CHST1: variants seen among roughly 807,000 people sequenced by gnomAD.
CHST1 encodes the protein carbohydrate sulfotransferase 1.
Under a neutral mutation model 22.5 loss-of-function variants are expected in CHST1, and 10 were observed. That is an observed-to-expected ratio of 0.44 (90% CI 0.27 to 0.75). The LOEUF is 0.75. CHST1 is among the 30% of genes least tolerant of loss of function. The pLI is 0.15. For missense variants in CHST1, 439 were observed against 576.1 expected (o/e 0.76, Z 2.44); for synonymous variants, 267 against 264.5 (o/e 1.01, Z -0.09).
chr11:45,659,418 A>G (rs111483947), intron 1 of CHST1, among the ~76,000 whole-genome samples: 2 of 152,104 alleles, frequency 1.3e-5, no homozygotes, highest in African/African-American at 4.8e-5. Context: ...GATCTCGATC[A>G]CAGCATTCAC....
chr11:45,650,092 C>T lies in CHST1; in HGVS notation c.832G>A (p.Asp278Asn). 1 of 1,614,080 alleles carries T rather than the reference C, an allele frequency of 6.2e-7. No homozygotes were observed. The highest frequency in any genetic ancestry group is 8.5e-7 in the Non-Finnish European group (1 of 1,180,034). The change falls in exon 4 of 4, where the codon GAC becomes AAC. Residue 278 changes from aspartate (D) to asparagine (N), a missense_variant. Transcript: ENST00000308064. ...CCGGTGGACACGGAGTTGGAGAAGTCCTCGCACACCGTGGTCAGCTGCGTC... is the reference window on the plus strand; with the variant it reads ...CCGGTGGACACGGAGTTGGAGAAGTTCTCGCACACCGTGGTCAGCTGCGTC... The part of the protein sequence containing the change: ...DVTQLTTVCE[D>N]FSNSVSTGLM...
In CHST1 at chr11:45,650,673, A is replaced by G; in HGVS notation, c.251T>C (p.Leu84Pro). The stretch of plus-strand genomic sequence containing the variant: ...GGGCTCAAACAGGTAGAAGACGTCC[A>G]GGTGCTGGTTGAAGAGCTGGCCCAC... ...SFVGQLFNQHLDVFYLFEPLY... is the reference protein window; with the variant it reads ...SFVGQLFNQHPDVFYLFEPLY... The change falls in exon 4 of 4, where the codon CTG (leucine) becomes CCG (proline). Residue 84 changes from leucine to proline, a missense_variant. Coordinates refer to ENST00000308064, the MANE Select transcript of CHST1 (RefSeq NM_003654.6). 6.2e-7 allele frequency: 1 copy of G among 1,614,124 alleles called. No homozygotes were observed. The highest frequency in any genetic ancestry group is 8.5e-7 in the Non-Finnish European group (1 of 1,180,010).
intron 2 of CHST1, 146 bp downstream of exon 2, chr11:45,652,375 C>T (rs950830171): frequency 1.3e-5 from 2 of 152,332 alleles, no homozygotes; most frequent in African/African-American, 4.8e-5. Context: ...AGTCCCTCTG[C>T]TCACACCAGA....
In CHST1 at chr11:45,650,300, C is replaced by A. The variant is rs1027886195; in HGVS notation, c.624G>T (p.Val208=). Residue 208 remains valine, a synonymous_variant, in exon 4 of 4, where the codon GTG becomes GTT. Coordinates refer to ENST00000308064, the MANE Select transcript of CHST1 (RefSeq NM_003654.6). The stretch of plus-strand genomic sequence containing the variant: ...GCAGGTCGTTCACCTCGGGCACGCG[C>A]ACCGTCTTGATGGCCACGTGGCTGC... ...RERSHVAIKT[V]RVPEVNDLRA... 1 of 1,605,364 alleles carries A rather than the reference C, an allele frequency of 6.2e-7. No homozygotes were observed. Among genetic ancestry groups the A allele is most frequent in the Non-Finnish European group, 8.5e-7 (1 of 1,179,600 alleles).
chr11:45,663,921 C>G (rs1297407786), intron 1 of CHST1, among the ~76,000 whole-genome samples: 1 of 152,178 alleles, frequency 6.6e-6, no homozygotes, highest in African/African-American at 2.4e-5. Context: ...ACGATGAAAG[C>G]ACTTTGAAAA....
At chr11:45,662,703 T>A (rs1174882118) in intron 1 of CHST1, among the ~76,000 whole-genome samples, 2 of 152,144 alleles carry the variant, frequency 1.3e-5, no homozygotes, top group Admixed American at 1.3e-4. Flanking sequence ...TGCTATCAGG[T>A]CGGTGTTATT....
At chr11:45,656,031 G>A (rs540878571) in intron 1 of CHST1, among the ~76,000 whole-genome samples, 1 of 152,334 alleles carries the variant, frequency 6.6e-6, no homozygotes, top group East Asian at 1.9e-4. Context: ...GCAGCGCCAG[G>A]GGGTGGCGGC....
chr11:45,655,080 G>A (rs1852045446), intron 1 of CHST1, among the ~76,000 whole-genome samples: 1 of 152,194 alleles, frequency 6.6e-6, no homozygotes, highest in African/African-American at 2.4e-5. Context: ...TCTGACACCA[G>A]CCCTGCTGAT....
chr11:45,649,943 G>A lies in CHST1; in HGVS notation c.981C>T (p.His327=), dbSNP rs1187230633. 1.9e-6 allele frequency: 3 copies of A among 1,613,240 alleles called. No individual in the cohort carries two copies. The highest frequency in any genetic ancestry group is 2.5e-6 in the Non-Finnish European group (3 of 1,180,030). ...TGTTGTTCTGGATCCAGCGGGCCAC[G>A]TGGCTGTCCAGCGGGATGCCCAGGA... is the stretch of plus-strand genomic sequence containing the variant. ...YGFLGIPLDS[H]VARWIQNNTR... is the part of the protein sequence containing the mutation. The change falls in exon 4 of 4, where the codon CAC becomes CAT. Residue 327 remains histidine (H), a synonymous_variant. Transcript: ENST00000308064.
chr11:45,662,865 G>A (rs1422393995), intron 1 of CHST1, among the ~76,000 whole-genome samples: 2 of 152,166 alleles, frequency 1.3e-5, no homozygotes, highest in Non-Finnish European at 2.9e-5. Flanking sequence ...TGGGTGGGGA[G>A]AGACAGCCCC....
rs1851978610 is a variant in CHST1 at position 45,650,407 on chromosome 11, C to T, written c.517G>A (p.Asp173Asn). ...RPVCDPPGPA[D>N]LVLEEGDCVR... ...CAGTCCCCCTCCTCCAGGACCAGGT[C>T]GGCTGGCCCCGGAGGGTCGCACACA... The change falls in exon 4 of 4, where the codon GAC becomes AAC. Residue 173 changes from aspartate to asparagine, a missense_variant. By Grantham distance (23) the Asp-to-Asn change is conservative. Transcript: ENST00000308064. The T allele has an allele frequency of 1.9e-6, 3 of 1,606,108 alleles. No homozygotes were observed. In the East Asian group the frequency reaches 6.7e-5, roughly 36 times the overall value.
At position 45,650,426 on chromosome 11, in the gene CHST1, G is replaced by A. The variant is rs559545692; in HGVS notation, c.498C>T (p.Cys166=). The change falls in exon 4 of 4, where the codon TGC becomes TGT. Residue 166 remains cysteine (C), a synonymous_variant. Coordinates refer to ENST00000308064, the MANE Select transcript of CHST1 (RefSeq NM_003654.6). ...CCAGGTCGGCTGGCCCCGGAGGGTC[G>A]CACACAGGCCGGGAGCAGAGGACCC... is the stretch of plus-strand genomic sequence containing the variant. ...ASRVLCSRPV[C]DPPGPADLVL... 1.9e-6 allele frequency: 3 copies of A among 1,608,684 alleles called. No individual in the cohort carries two copies. The highest frequency in any genetic ancestry group is 2.5e-6 in the Non-Finnish European group (3 of 1,179,774).
intron 1 of CHST1, among the ~76,000 whole-genome samples, chr11:45,658,890 GA>G (rs1852095769): frequency 6.6e-6 from 1 of 152,138 alleles, no homozygotes; most frequent in African/African-American, 2.4e-5. Context: ...CAGCTTCAAG[GA>G]TGGGAAACAT....
In CHST1 at chr11:45,648,000, C is replaced by T. The variant is rs911548936; in HGVS notation, c.*1688G>A. ...ACAACAAAGCTGTGACCTGCAGCCA[C>T]CCCAGGGGCAGGTTTTCTTGGAATA... On this transcript the variant is annotated 3_prime_UTR_variant, in exon 4 of 4. Coordinates refer to ENST00000308064, the MANE Select transcript of CHST1 (RefSeq NM_003654.6). Among the ~76,000 whole-genome samples the T allele has an allele frequency of 9.9e-5, 15 of 152,140 alleles. No homozygotes were observed. The highest frequency in any genetic ancestry group is 3.4e-4 in the African/African-American group (14 of 41,420).
At chr11:45,661,006 C>T (rs1590694247) in intron 1 of CHST1, among the ~76,000 whole-genome samples, 2 of 152,280 alleles carry the variant, frequency 1.3e-5, no homozygotes, top group Middle Eastern at 3.4e-3. Context: ...CATGTGGCAC[C>T]GTGGGGATTT....
At chr11:45,664,030 G>T (rs950593871) in intron 1 of CHST1, among the ~76,000 whole-genome samples, 3 of 152,180 alleles carry the variant, frequency 2.0e-5, no homozygotes, top group Non-Finnish European at 4.4e-5. Context: ...GAGACAGCAG[G>T]CCCCACTGCA....
In CHST1 at chr11:45,650,114, C is replaced by A; in HGVS notation, c.810G>T (p.Thr270=). 1 of 1,614,030 alleles carries A rather than the reference C, an allele frequency of 6.2e-7. No individual in the cohort carries two copies. The highest frequency in any genetic ancestry group is 8.5e-7 in the Non-Finnish European group (1 of 1,180,020). ...TGRKPYNLDV[T]QLTTVCEDFS... is the part of the protein sequence containing the mutation. ...AGTCCTCGCACACCGTGGTCAGCTG[C>A]GTCACGTCCAGGTTGTAGGGTTTCC... Residue 270 remains threonine (T), a synonymous_variant, in exon 4 of 4, where the codon ACG becomes ACT. Transcript: ENST00000308064.
intron 1 of CHST1, among the ~76,000 whole-genome samples, chr11:45,653,441 G>A (rs1170875247): frequency 6.6e-6 from 1 of 152,044 alleles, no homozygotes; most frequent in African/African-American, 2.4e-5. Flanking sequence ...ATCCCACCCC[G>A]ACCTCATCCC....
intron 1 of CHST1, among the ~76,000 whole-genome samples, chr11:45,660,341 C>T (rs1273999811): frequency 9.9e-5 from 15 of 151,894 alleles, no homozygotes; most frequent in Admixed American, 9.8e-4. Flanking sequence ...CCTCACCTCT[C>T]CAAAGCTTTC....
Sources: allele counts gnomAD v4.1 joint callset (sites outside exome capture counted in the v4.1 genomes callset), GRCh38; gene constraint gnomAD v4.1.1; transcripts MANE v1.5; gene names NCBI Gene and HGNC (gene_info 2026-07-23, HGNC 2026-07-21).